Variants in NELL2 observed in about 807,000 individuals in gnomAD.
NELL2 encodes protein kinase C-binding protein NELL2.
Under a neutral mutation model 109.6 loss-of-function variants are expected in NELL2, and 41 were observed. The ratio of observed to expected loss-of-function variants is 0.37; its 90% confidence interval spans 0.29 to 0.49. NELL2 has a LOEUF of 0.49. Ranked by LOEUF, NELL2 falls within the 20% of genes least tolerant of loss-of-function variation. The pLI, the probability that NELL2 is intolerant of heterozygous loss-of-function variation, is 0.98. For missense variants in NELL2, 900 were observed against 1,008.3 expected, an observed-to-expected ratio of 0.89 and a Z score of 1.45; for synonymous variants, 355 against 344.7, an observed-to-expected ratio of 1.03 and a Z score of -0.33.
At chr12:44,715,085 T>G (rs2136442639) in intron 9 of NELL2, among the ~76,000 whole-genome samples, 1 of 151,938 alleles carries the variant, frequency 6.6e-6, no homozygotes, top group East Asian at 1.9e-4. Context: ...AGGGCGGCAA[T>G]AAATCAGGGG....
At chr12:44,559,441 G>A (rs777285306) in intron 15 of NELL2, among the ~76,000 whole-genome samples, 6 of 152,128 alleles carry the variant, frequency 3.9e-5, no homozygotes, top group South Asian at 2.1e-4. Context: ...CCCATCTCAC[G>A]TGCAAAGACA....
Position 44,609,657 on chromosome 12 carries a change from C to A in NELL2, c.1567+1191G>T, listed in dbSNP as rs557724368. On this transcript the variant is annotated intron_variant, in intron 14 of 19. Transcript: ENST00000429094. ...GGATTTGAATCCCCAAATAATTAGG[C>A]CTTTTTCAAAATGACCTACACTGAT... Among the ~76,000 whole-genome samples the A allele has an allele frequency of 7.9e-5, 12 of 152,050 alleles. No individual in the cohort carries two copies. The East Asian group carries it at 2.1e-3, about 27-fold the overall frequency.
At chr12:44,884,404 A>G (rs1360141945) in intron 1 of NELL2, among the ~76,000 whole-genome samples, 1 of 152,040 alleles carries the variant, frequency 6.6e-6, no homozygotes, top group Non-Finnish European at 1.5e-5. Flanking sequence ...AAACATCTAC[A>G]TTCCTCTTTC....
intron 15 of NELL2, among the ~76,000 whole-genome samples, chr12:44,565,605 G>A (rs1407171012): frequency 2.0e-5 from 3 of 152,184 alleles, no homozygotes; most frequent in African/African-American, 4.8e-5. Context: ...AAACTCACAT[G>A]CTTAGTCTAG....
chr12:44,739,210 C>G (rs1032707989), intron 9 of NELL2, among the ~76,000 whole-genome samples: 3 of 151,972 alleles, frequency 2.0e-5, no homozygotes, highest in African/African-American at 7.3e-5. Context: ...TGCAATAATT[C>G]GTGTGTGTGT....
chr12:44,744,082 G>T (rs544078317), intron 9 of NELL2, among the ~76,000 whole-genome samples: 1 of 152,208 alleles, frequency 6.6e-6, no homozygotes, highest in African/African-American at 2.4e-5. Context: ...TAAAGGAATA[G>T]AAATTATAAC....
intron 13 of NELL2, among the ~76,000 whole-genome samples, chr12:44,646,923 T>C (rs1419212304): frequency 6.6e-6 from 1 of 152,202 alleles, no homozygotes; most frequent in Non-Finnish European, 1.5e-5. Context: ...GGTTTCCTCA[T>C]ACATAAAATG....
intron 12 of NELL2, among the ~76,000 whole-genome samples, chr12:44,686,712 C>T (rs1001914123): frequency 6.6e-6 from 1 of 152,026 alleles, no homozygotes; most frequent in Non-Finnish European, 1.5e-5. Context: ...GGGGTGCCTC[C>T]CAGTTAGTCT....
chr12:44,630,791 G>A (rs1397629550), intron 13 of NELL2, among the ~76,000 whole-genome samples: 1 of 152,054 alleles, frequency 6.6e-6, no homozygotes, highest in African/African-American at 2.4e-5. Flanking sequence ...GATACCCCGA[G>A]AAAGTGAGTT....
intron 19 of NELL2, among the ~76,000 whole-genome samples, chr12:44,512,848 G>A (rs760505752): frequency 1.3e-5 from 2 of 151,968 alleles, no homozygotes; most frequent in African/African-American, 4.8e-5. Context: ...GTTGGTTAAA[G>A]TATACAAAAT....
chr12:44,757,577 T>C (rs1052321090), intron 9 of NELL2, among the ~76,000 whole-genome samples: 1 of 152,150 alleles, frequency 6.6e-6, no homozygotes, highest in African/African-American at 2.4e-5. Flanking sequence ...AAAGATTTTC[T>C]TTTTAATGAT....
chr12:44,608,842 A>G (rs1945502715), intron 14 of NELL2, among the ~76,000 whole-genome samples: 1 of 151,596 alleles, frequency 6.6e-6, no homozygotes, highest in Non-Finnish European at 1.5e-5. Flanking sequence ...ATGCATTTCA[A>G]GATCCCCAGT....
At chr12:44,916,746 A>G (rs1439774049), upstream of NELL2, among the ~76,000 whole-genome samples, 1 of 152,182 alleles carries the variant, frequency 6.6e-6, no homozygotes, top group African/African-American at 2.4e-5. Flanking sequence ...GTCATATTGA[A>G]CACTTTTTGA....
chr12:44,511,798 A>C (rs546480722), intron 19 of NELL2, among the ~76,000 whole-genome samples: 1 of 152,160 alleles, frequency 6.6e-6, no homozygotes, highest in South Asian at 2.1e-4. Context: ...TTAGACTTCT[A>C]TCTCTCACCA....
At chr12:44,736,749 T>G (rs2136486317) in intron 9 of NELL2, among the ~76,000 whole-genome samples, 1 of 152,282 alleles carries the variant, frequency 6.6e-6, no homozygotes, top group South Asian at 2.1e-4. Flanking sequence ...CAAAGAATAT[T>G]TGAAAATAAT....
chr12:44,716,220 A>T (rs903434180), intron 9 of NELL2, among the ~76,000 whole-genome samples: 27 of 152,312 alleles, frequency 1.8e-4, no homozygotes, highest in African/African-American at 4.1e-4. Flanking sequence ...TCAAATAAAT[A>T]AATTAATTAA....
At chr12:44,627,931 C>A (rs11182582) in intron 13 of NELL2, among the ~76,000 whole-genome samples, 26,203 of 152,130 alleles carry the variant, frequency 0.17, 3,520 homozygotes, top group African/African-American at 0.37. Context: ...CTGGAAACCA[C>A]ACCAGAAGGC....
chr12:44,525,096 A>T lies in NELL2; in HGVS notation c.1805-1612T>A, dbSNP rs376623100. On this transcript the variant is annotated intron_variant, in intron 16 of 19. Transcript: ENST00000429094. ...CTCTTTGACAACAAGCTCTACAGAC[A>T]TCCTTACTACATAGCCTTTTTATGG... 7.4e-4 allele frequency among the ~76,000 whole-genome samples: 112 copies of T among 152,368 alleles called. 3 individuals carry two copies. The South Asian group carries it at 0.023, about 31-fold the overall frequency.
At chr12:44,565,329 T>A (rs1943613901) in intron 15 of NELL2, among the ~76,000 whole-genome samples, 1 of 152,158 alleles carries the variant, frequency 6.6e-6, no homozygotes, top group Non-Finnish European at 1.5e-5. Flanking sequence ...ATTATATGTA[T>A]CACTAAAAAT....
Sources: allele counts gnomAD v4.1 joint callset (sites outside exome capture counted in the v4.1 genomes callset), GRCh38; gene constraint gnomAD v4.1.1; transcripts MANE v1.5; gene names NCBI Gene and HGNC (gene_info 2026-07-23, HGNC 2026-07-21).